PARP4: variants seen among roughly 807,000 people sequenced by gnomAD.
PARP4 encodes the protein poly(ADP-ribose) polymerase family member 4, also known as protein mono-ADP-ribosyltransferase PARP4.
Under a neutral mutation model 187.7 loss-of-function variants are expected in PARP4, and 120 were observed. The observed-to-expected ratio is 0.64, with a 90% CI of 0.55 to 0.74. The LOEUF (loss-of-function observed/expected upper bound fraction) is 0.74. Ranked by LOEUF, PARP4 falls within the 30% of genes least tolerant of loss-of-function variation. The pLI is 0.00. For synonymous variants in PARP4, 654 were observed against 740.9 expected (o/e 0.88, Z 1.90); for missense variants, 1,836 against 2,070.5 (o/e 0.89, Z 2.20).
At position 24,483,252 on chromosome 13, in the gene PARP4, C is replaced by T. The variant is rs545304413; in HGVS notation, c.1448+1401G>A. Among the ~76,000 whole-genome samples the T allele has an allele frequency of 2.3e-4, 35 of 151,222 alleles. No homozygotes were observed. In the South Asian group the frequency reaches 7.1e-3, roughly 31 times the overall value. ...CTGTAATCCCAGCACTTTGGGAGGC[C>T]GAGGCGGGTGGATCATGAGGTCAGG... On this transcript the variant is annotated intron_variant, in intron 12 of 33. Transcript: ENST00000381989.
Position 24,481,916 on chromosome 13 carries a change from A to T in PARP4, c.1448+2737T>A, listed in dbSNP as rs772373701. 2.0e-5 allele frequency among the ~76,000 whole-genome samples: 3 copies of T among 152,226 alleles called. 1 individual carries two copies. The highest frequency in any genetic ancestry group is 4.4e-5 in the Non-Finnish European group (3 of 68,046). ...AAGGCTATAGCTGCCATAGACAGTG[A>T]TTCCTCTGATGGATCTGGACGAAGT... On this transcript the variant is annotated intron_variant, in intron 12 of 33. Transcript: ENST00000381989.
At chr13:24,473,793 G>A (rs1290695299) in intron 15 of PARP4, among the ~76,000 whole-genome samples, 1 of 151,926 alleles carries the variant, frequency 6.6e-6, no homozygotes, top group African/African-American at 2.4e-5. Flanking sequence ...CAGTGATCAG[G>A]GCTGGGTTGT....
At chr13:24,445,639 C>T (rs1322631046) in intron 27 of PARP4, among the ~76,000 whole-genome samples, 1 of 152,204 alleles carries the variant, frequency 6.6e-6, no homozygotes. Context: ...CTTCATCTGG[C>T]TGTTCATTCG....
intron 30 of PARP4, among the ~76,000 whole-genome samples, chr13:24,435,933 A>G (rs9578731): frequency 0.033 from 1,886 of 57,762 alleles, 40 homozygotes; most frequent in African/African-American, 0.13. Flanking sequence ...AAAAAAAAAA[A>G]AAAGAAAGAA....
chr13:24,435,723 C>G (rs1284897047), intron 30 of PARP4, among the ~76,000 whole-genome samples: 1 of 152,058 alleles, frequency 6.6e-6, no homozygotes, highest in Non-Finnish European at 1.5e-5. Flanking sequence ...TTGAGAACAG[C>G]TTAGGTGACA....
At chr13:24,452,738 T>G in intron 23 of PARP4, 145 bp from the exon 24 acceptor site, 1 of 607,528 alleles carries the variant, frequency 1.6e-6, no homozygotes, top group East Asian at 2.9e-5. Flanking sequence ...CAACTAAACT[T>G]ATGTCCTTTT....
chr13:24,498,025 G>A, intron 6 of PARP4, 91 bp downstream of exon 6: 1 of 818,314 alleles, frequency 1.2e-6, no homozygotes, highest in Middle Eastern at 2.3e-4. Flanking sequence ...CAACAGGTAA[G>A]AAGAAAAAGG....
chr13:24,427,675 C>T (rs1052860303), intron 32 of PARP4, among the ~76,000 whole-genome samples: 1 of 152,032 alleles, frequency 6.6e-6, no homozygotes, highest in Non-Finnish European at 1.5e-5. Context: ...AATTTTACAT[C>T]GTTGAGGTAG....
At chr13:24,466,796 C>CAAAAA (rs34197201) in intron 17 of PARP4, among the ~76,000 whole-genome samples, 15 of 90,854 alleles carry the variant, frequency 1.7e-4, no homozygotes, top group Non-Finnish European at 2.3e-4. Flanking sequence ...GACTCTGTCT[C>CAAAAA]AAAAAAAAAA....
At chr13:24,425,565 GTGTGTATATCTATATC>G (rs1478280561) in intron 33 of PARP4, among the ~76,000 whole-genome samples, 5 of 132,888 alleles carry the variant, frequency 3.8e-5, no homozygotes, top group African/African-American at 1.4e-4. Context: ...GTGTGTGTGT[GTGTGTATATCTATATC>G]TATATCTATA....
intron 17 of PARP4, among the ~76,000 whole-genome samples, chr13:24,462,783 G>C (rs1872272647): frequency 6.6e-6 from 1 of 152,188 alleles, no homozygotes; most frequent in Admixed American, 6.5e-5. Flanking sequence ...CCTATCAGCT[G>C]ACTGACAATA....
At chr13:24,483,348 C>T (rs1476340988) in intron 12 of PARP4, among the ~76,000 whole-genome samples, 19 of 138,890 alleles carry the variant, frequency 1.4e-4, no homozygotes, top group Middle Eastern at 3.6e-3. Flanking sequence ...TAGCCAGGCG[C>T]GGTGGTGGGC....
intron 30 of PARP4, among the ~76,000 whole-genome samples, chr13:24,439,932 A>C (rs1870832308): frequency 6.6e-6 from 1 of 152,214 alleles, no homozygotes; most frequent in Non-Finnish European, 1.5e-5. Context: ...GTGGGAGCCC[A>C]CGATGTTGCC....
chr13:24,447,220 T>G (rs7139805), intron 25 of PARP4, 34 bp from the exon 26 acceptor site: 17 of 1,498,684 alleles, frequency 1.1e-5, no homozygotes, highest in Non-Finnish European at 1.5e-5. Context: ...TCTCTTTCAA[T>G]GCTCCATCCA....
intron 10 of PARP4, among the ~76,000 whole-genome samples, 159 bp from the exon 11 acceptor site, chr13:24,486,464 T>C (rs981109693): frequency 6.6e-6 from 1 of 152,198 alleles, no homozygotes; most frequent in African/African-American, 2.4e-5. Context: ...TATGTAGGTA[T>C]TAAAATAACC....
chr13:24,432,508 C>G (rs138902739), intron 31 of PARP4, among the ~76,000 whole-genome samples: 2,105 of 152,282 alleles, frequency 0.014, 48 homozygotes, highest in African/African-American at 0.047. Context: ...CCACCACTCC[C>G]AGAACTTTCC....
chr13:24,431,292 C>T, intron 32 of PARP4, 85 bp downstream of exon 32: 1 of 745,510 alleles, frequency 1.3e-6, no homozygotes, highest in Non-Finnish European at 2.2e-6. Flanking sequence ...AATACACTAG[C>T]TTACAAAACA....
chr13:24,425,609 A>G (rs930583459), intron 33 of PARP4, among the ~76,000 whole-genome samples: 5 of 150,970 alleles, frequency 3.3e-5, no homozygotes, highest in Non-Finnish European at 7.4e-5. Context: ...CTATATCTAT[A>G]TATCTCAGAG....
At chr13:24,507,135 C>T (rs573918170) in intron 1 of PARP4, among the ~76,000 whole-genome samples, 304 of 152,348 alleles carry the variant, frequency 2.0e-3, no homozygotes, top group Middle Eastern at 6.8e-3. Context: ...CCAACCGGAA[C>T]TTGCGCTGGC....
Sources: allele counts gnomAD v4.1 joint callset (sites outside exome capture counted in the v4.1 genomes callset), GRCh38; gene constraint gnomAD v4.1.1; transcripts MANE v1.5; gene names NCBI Gene and HGNC (gene_info 2026-07-23, HGNC 2026-07-21).